The following ACP6 variants were observed in gnomAD, a reference collection of about 807,000 sequenced individuals.
The protein encoded by ACP6 is acid phosphatase 6, lysophosphatidic, also known as lysophosphatidic acid phosphatase type 6.
ACP6 carries 48 observed loss-of-function variants against 48.1 expected under a neutral mutation model. The observed-to-expected ratio is 1.00, with a 90% confidence interval of 0.79 to 1.27. The LOEUF (loss-of-function observed/expected upper bound fraction) is 1.27. ACP6 is among the 50% of genes most tolerant of loss of function. The probability of loss-of-function intolerance (pLI) is 0.00; values close to 1 mark genes in which losing one functional copy is unlikely to be tolerated. For missense variants in ACP6, 485 were observed against 529.1 expected (o/e 0.92, Z 0.82); for synonymous variants, 172 against 204.2 (o/e 0.84, Z 1.34).
rs368786453 is a variant in ACP6, at chr1:147,655,178, G to C, written c.630C>G (p.Ser210Arg). Residue 210 changes from serine to arginine, a missense_variant, in exon 5 of 10, where the codon AGC becomes AGG. Coordinates refer to ENST00000583509, the MANE Select transcript of ACP6 (RefSeq NM_016361.5). ...GCAGTTACCTGGTTCTCTGCCTCAG[G>C]CTCCAGCAGCTTTGGTAGTTGGGAT... The part of the protein sequence containing the change: ...VLYPNYQSCW[S>R]LRQRTRGRRQ... 181 of 1,607,024 alleles carry C rather than the reference G, an allele frequency of 1.1e-4. No homozygotes were observed. In the East Asian group the frequency reaches 2.8e-3, roughly 25 times the overall value.
chr1:147,649,058 A>G (rs948530299), intron 8 of ACP6, among the ~76,000 whole-genome samples: 3 of 152,178 alleles, frequency 2.0e-5, no homozygotes, highest in African/African-American at 7.2e-5. Context: ...AAAAGCCAGA[A>G]AAAATGTACT....
intron 8 of ACP6, among the ~76,000 whole-genome samples, 154 bp from the exon 9 acceptor site, chr1:147,648,565 C>T (rs1274700644): frequency 6.6e-6 from 1 of 152,100 alleles, no homozygotes; most frequent in Non-Finnish European, 1.5e-5. Context: ...TGCAGTAGAT[C>T]GTGGGAAGAA....
Position 147,669,876 on chromosome 1 carries a change from C to A in ACP6, c.173G>T (p.Arg58Leu). ...LKLKMVQVVF[R>L]HGARSPLKPL... ...CTTGAGAGGACTCCGAGCCCCGTGT[C>A]GAAACACGACCTGCACCATTTTCAA... Residue 58 changes from arginine to leucine, a missense_variant, in exon 1 of 10, where the codon CGA (arginine) becomes CTA (leucine). Transcript: ENST00000583509. 1 of 1,601,082 alleles carries A rather than the reference C, an allele frequency of 6.2e-7. No homozygotes were observed. Among genetic ancestry groups the A allele is most frequent in the South Asian group, 1.1e-5 (1 of 89,606 alleles).
downstream of ACP6, among the ~76,000 whole-genome samples, chr1:147,637,856 C>T (rs1384913030): frequency 2.0e-5 from 3 of 152,168 alleles, no homozygotes; most frequent in African/African-American, 7.2e-5. Flanking sequence ...AATTAGTCAT[C>T]CAGTAAGTGA....
intron 1 of ACP6, among the ~76,000 whole-genome samples, chr1:147,668,125 G>C (rs1286636629): frequency 6.6e-6 from 1 of 152,160 alleles, no homozygotes; most frequent in Non-Finnish European, 1.5e-5. Flanking sequence ...GTTCACCCCT[G>C]ATTTTCATGC....
intron 4 of ACP6, among the ~76,000 whole-genome samples, chr1:147,658,411 A>G (rs1553212062): frequency 6.6e-6 from 1 of 152,216 alleles, no homozygotes; most frequent in East Asian, 1.9e-4. Flanking sequence ...CTCTCAACAC[A>G]TGGGATCCAT....
At chr1:147,667,684 C>T (rs1660867155) in intron 1 of ACP6, among the ~76,000 whole-genome samples, 1 of 152,058 alleles carries the variant, frequency 6.6e-6, no homozygotes, top group South Asian at 2.1e-4. Flanking sequence ...AATAGCAGAA[C>T]CAAGAAGATT....
chr1:147,629,690 GC>G (rs1316442748), exon 6 of ACP6: 1 of 152,114 alleles, frequency 6.6e-6, no homozygotes, highest in Non-Finnish European at 1.5e-5. Context: ...CACATTTAAA[GC>G]AATAAGTATA....
At chr1:147,649,605 C>T (rs1157128904) in intron 8 of ACP6, among the ~76,000 whole-genome samples, 3 of 152,032 alleles carry the variant, frequency 2.0e-5, no homozygotes, top group East Asian at 1.9e-4. Context: ...CCACCATGCC[C>T]GGATAATTTT....
At chr1:147,658,538 A>T (rs1192329281) in intron 4 of ACP6, among the ~76,000 whole-genome samples, 2 of 152,240 alleles carry the variant, frequency 1.3e-5, no homozygotes, top group Non-Finnish European at 2.9e-5. Flanking sequence ...CAACTAGGAA[A>T]GGCTAGACGG....
chr1:147,653,523 A>T (rs2148907185), intron 6 of ACP6, among the ~76,000 whole-genome samples: 1 of 152,320 alleles, frequency 6.6e-6, no homozygotes, highest in Middle Eastern at 3.4e-3. Flanking sequence ...AATGAAGTCT[A>T]AAAAATACGC....
Position 147,645,761 on chromosome 1 carries a change from A to C in ACP6, c.*1662T>G, listed in dbSNP as rs1483703494. 1 of 152,230 alleles carries C rather than the reference A, an allele frequency of 6.6e-6. No individual in the cohort carries two copies. Among genetic ancestry groups the C allele is most frequent in the Non-Finnish European group, 1.5e-5 (1 of 68,044 alleles). The allele number at this position is 152,230 out of a possible 1,614,324, so 9.4% of individuals were successfully genotyped here. ...ATTAGAGGTAGCAACTCTTTTGAGG[A>C]GTTCTGCTATGAAGGGGAGAAGGAA... On this transcript the variant is annotated 3_prime_UTR_variant, in exon 10 of 10. Transcript: ENST00000583509.
downstream of ACP6, among the ~76,000 whole-genome samples, chr1:147,640,156 C>G (rs1179405937): frequency 6.6e-6 from 1 of 152,134 alleles, no homozygotes; most frequent in Non-Finnish European, 1.5e-5. Flanking sequence ...CTCCCCTAAC[C>G]CCAGCAGATA....
At chr1:147,629,951 C>T (rs782129057) in exon 6 of ACP6, 3 of 152,222 alleles carry the variant, frequency 2.0e-5, no homozygotes, top group East Asian at 1.9e-4. Context: ...CAGAGGAAGA[C>T]GGTGAGTGTA....
At chr1:147,653,919 C>T (rs963318433) in intron 6 of ACP6, among the ~76,000 whole-genome samples, 10 of 152,108 alleles carry the variant, frequency 6.6e-5, no homozygotes, top group Admixed American at 6.5e-4. Context: ...CTACCCATTG[C>T]CCCTGCCTGC....
chr1:147,659,872 ACT>A (rs1355349974), intron 1 of ACP6, 97 bp from the exon 2 acceptor site: 1 of 1,450,160 alleles, frequency 6.9e-7, no homozygotes, highest in African/African-American at 1.4e-5. Flanking sequence ...GGCTGGAATC[ACT>A]GACACTAGGC....
rs1659659141 is a variant in ACP6, at chr1:147,647,144, A to G, written c.*279T>C. ...AAGAACTAAAGTCCAAAACCGACAC[A>G]ATTCTACAGGGTCATGATGTCCCCA... On this transcript the variant is annotated 3_prime_UTR_variant, in exon 10 of 10. Transcript: ENST00000583509. The G allele has an allele frequency of 2.9e-6, 1 of 341,448 alleles. No homozygotes were observed. The allele number at this position is 341,448 out of a possible 1,614,324, so 21.2% of individuals were successfully genotyped here.
At chr1:147,666,828 T>G (rs1426155084) in intron 1 of ACP6, among the ~76,000 whole-genome samples, 1 of 152,208 alleles carries the variant, frequency 6.6e-6, no homozygotes, top group Non-Finnish European at 1.5e-5. Context: ...TAATGCTTCT[T>G]GAATACCGCT....
chr1:147,669,984 T>C lies in ACP6; in HGVS notation c.65A>G (p.Tyr22Cys). The change falls in exon 1 of 10, where the codon TAC becomes TGC. Residue 22 changes from tyrosine (Y) to cysteine (C), a missense_variant. Physicochemically the swap from Tyr to Cys is radical, Grantham distance 194 (BLOSUM62 -2). Transcript: ENST00000583509. ...GGCCACCCGCCGCTGGTGCAGGCAG[T>C]ACGCCAGCGAGGTCAGGACGCCCAC... The part of the protein sequence containing the change: ...TPVGVLTSLA[Y>C]CLHQRRVALA... The C allele has an allele frequency of 4.5e-6, 7 of 1,548,852 alleles. No homozygotes were observed. The highest frequency in any genetic ancestry group is 6.1e-6 in the Non-Finnish European group (7 of 1,146,358).
Sources: gnomAD v4.1 joint callset for allele counts (sites outside exome capture counted in the v4.1 genomes callset) on GRCh38, gnomAD v4.1.1 for gene constraint, MANE v1.5 for transcripts, NCBI Gene and HGNC (gene_info 2026-07-23, HGNC 2026-07-21) for gene names.